NIBAN1: variants seen among roughly 807,000 people sequenced by gnomAD.
NIBAN1 encodes niban apoptosis regulator 1, also known as protein Niban 1.
Under a neutral mutation model 75.1 loss-of-function variants are expected in NIBAN1, and 81 were observed. The ratio of observed to expected loss-of-function variants is 1.08; its 90% CI spans 0.90 to 1.30. NIBAN1 has a LOEUF of 1.30. NIBAN1 is among the 50% of genes most tolerant of loss of function. The probability of loss-of-function intolerance (pLI) is 0.00; values close to 1 mark genes in which losing one functional copy is unlikely to be tolerated. For missense variants in NIBAN1, 1,133 were observed against 1,128.1 expected (o/e 1.00, Z -0.06); for synonymous variants, 436 against 424.8 (o/e 1.03, Z -0.32).
At chr1:184,932,734 A>T (rs1019211728) in intron 1 of NIBAN1, among the ~76,000 whole-genome samples, 2 of 152,210 alleles carry the variant, frequency 1.3e-5, no homozygotes, top group Non-Finnish European at 2.9e-5. Context: ...GATTTTTTAA[A>T]AGCTTAAAAG....
At chr1:184,807,530 G>A (rs1242428192) in intron 10 of NIBAN1, among the ~76,000 whole-genome samples, 1 of 152,180 alleles carries the variant, frequency 6.6e-6, no homozygotes, top group Non-Finnish European at 1.5e-5. Context: ...GCTTATGCCT[G>A]TAATCCCAGC....
chr1:184,960,657 T>TC (rs11379019), intron 1 of NIBAN1, among the ~76,000 whole-genome samples: 120,540 of 151,768 alleles, frequency 0.79, 48,146 homozygotes, highest in Middle Eastern at 0.83. Context: ...AGACGGAGTC[T>TC]ACTCTATCTT....
chr1:184,947,953 G>A (rs977441260), intron 1 of NIBAN1, among the ~76,000 whole-genome samples: 18 of 152,116 alleles, frequency 1.2e-4, no homozygotes, highest in African/African-American at 3.9e-4. Flanking sequence ...GAGCAAGCAC[G>A]TGATGTTTAT....
Position 184,884,760 on chromosome 1 carries a change from C to T in NIBAN1, c.474G>A (p.Leu158=). ...EKENTQPFVV[L]PKEFPVYLWQ... Reference sequence around the variant, plus strand: ...ACAGGTACACTGGGAATTCCTTGGGCAGGACCACAAAGGGCTGAGTGTTCT... The same window carrying T: ...ACAGGTACACTGGGAATTCCTTGGGTAGGACCACAAAGGGCTGAGTGTTCT... The change falls in exon 5 of 14, where the codon CTG becomes CTA. Residue 158 remains leucine (L), a synonymous_variant. Coordinates refer to ENST00000367511, the MANE Select transcript of NIBAN1 (RefSeq NM_052966.4). 1 of 1,614,204 alleles carries T rather than the reference C, an allele frequency of 6.2e-7. No homozygotes were observed. The highest frequency in any genetic ancestry group is 8.5e-7 in the Non-Finnish European group (1 of 1,180,002).
At chr1:184,912,974 A>G (rs1657283339) in intron 1 of NIBAN1, among the ~76,000 whole-genome samples, 1 of 152,076 alleles carries the variant, frequency 6.6e-6, no homozygotes, top group African/African-American at 2.4e-5. Flanking sequence ...ACAATCCAGC[A>G]ATCTGTGTTT....
intron 1 of NIBAN1, among the ~76,000 whole-genome samples, chr1:184,969,964 G>C (rs1290472467): frequency 6.6e-6 from 1 of 151,976 alleles, no homozygotes; most frequent in Non-Finnish European, 1.5e-5. Flanking sequence ...TCAGGAGTTT[G>C]AGATTAGCCT....
intron 1 of NIBAN1, among the ~76,000 whole-genome samples, chr1:184,914,653 G>A (rs1657335239): frequency 6.6e-6 from 1 of 151,984 alleles, no homozygotes; most frequent in East Asian, 1.9e-4. Context: ...CATGGTTACT[G>A]TAGTGAAGAA....
chr1:184,865,660 A>G lies in NIBAN1; in HGVS notation c.601+18973T>C, dbSNP rs945389347. Among the ~76,000 whole-genome samples, 3 of 152,236 alleles carry G rather than the reference A, an allele frequency of 2.0e-5. No homozygotes were observed. The South Asian group carries it at 6.2e-4, about 31-fold the overall frequency. ...GGATGCTTAATGGGTCACAGCCAAC[A>G]AAACAGTGACTTAAATAATGGCATC... is the stretch of plus-strand genomic sequence containing the variant. On this transcript the variant is annotated intron_variant, in intron 5 of 13. Coordinates refer to ENST00000367511, the MANE Select transcript of NIBAN1 (RefSeq NM_052966.4).
intron 1 of NIBAN1, among the ~76,000 whole-genome samples, chr1:184,934,568 AG>A (rs1657906461): frequency 6.6e-6 from 1 of 152,176 alleles, no homozygotes. Flanking sequence ...GTTCAAGACC[AG>A]CCTGGACAAC....
At chr1:184,838,099 C>T (rs1177839427) in intron 5 of NIBAN1, among the ~76,000 whole-genome samples, 2 of 152,188 alleles carry the variant, frequency 1.3e-5, no homozygotes, top group African/African-American at 4.8e-5. Flanking sequence ...AACCACGTCA[C>T]ACTGTTGACT....
chr1:184,934,793 G>T (rs1657912095), intron 1 of NIBAN1, among the ~76,000 whole-genome samples: 1 of 152,178 alleles, frequency 6.6e-6, no homozygotes, highest in Admixed American at 6.5e-5. Flanking sequence ...TACTTAGGAG[G>T]CTGAGGCAGG....
intron 1 of NIBAN1, among the ~76,000 whole-genome samples, chr1:184,957,093 T>G (rs535285439): frequency 7.9e-5 from 12 of 152,342 alleles, no homozygotes; most frequent in African/African-American, 2.9e-4. Context: ...ACTCCCACCA[T>G]CGCTGGTTTC....
intron 1 of NIBAN1, among the ~76,000 whole-genome samples, chr1:184,899,623 T>C (rs1169995549): frequency 6.6e-6 from 1 of 152,040 alleles, no homozygotes; most frequent in Admixed American, 6.6e-5. Context: ...TTATTTTCTA[T>C]CAATAGACTA....
intron 5 of NIBAN1, among the ~76,000 whole-genome samples, chr1:184,842,639 G>C (rs1387684028): frequency 6.6e-6 from 1 of 152,058 alleles, no homozygotes; most frequent in African/African-American, 2.4e-5. Flanking sequence ...TGTAATCCTA[G>C]CTACTCTAGA....
At chr1:184,837,377 TA>T (rs1655170139) in intron 5 of NIBAN1, among the ~76,000 whole-genome samples, 1 of 152,182 alleles carries the variant, frequency 6.6e-6, no homozygotes, top group African/African-American at 2.4e-5. Context: ...GGGAGTAACT[TA>T]GACATCACTA....
chr1:184,918,704 C>T (rs1657454551), intron 1 of NIBAN1, among the ~76,000 whole-genome samples: 1 of 152,180 alleles, frequency 6.6e-6, no homozygotes, highest in African/African-American at 2.4e-5. Flanking sequence ...TCTATATTTA[C>T]CCAGTCTTTT....
chr1:184,795,267 T>G lies in NIBAN1; in HGVS notation c.2497A>C (p.Thr833Pro). The G allele has an allele frequency of 5.0e-6, 8 of 1,613,182 alleles. No individual in the cohort carries two copies. The highest frequency in any genetic ancestry group is 6.8e-6 in the Non-Finnish European group (8 of 1,180,040). The change falls in exon 14 of 14, where the codon ACC (threonine) becomes CCC (proline). Residue 833 changes from threonine to proline, a missense_variant. Coordinates refer to ENST00000367511, the MANE Select transcript of NIBAN1 (RefSeq NM_052966.4). ...TAHEGRGGKCTEEGDASQQEG... is the reference protein window; with the variant it reads ...TAHEGRGGKCPEEGDASQQEG... The stretch of plus-strand genomic sequence containing the variant: ...TGCTGTGAGGCATCCCCTTCCTCGG[T>G]ACACTTGCCCCCTCTTCCTTCATGG...
At chr1:184,871,175 C>T (rs765650342) in intron 5 of NIBAN1, among the ~76,000 whole-genome samples, 15 of 151,600 alleles carry the variant, frequency 9.9e-5, no homozygotes, top group Non-Finnish European at 1.9e-4. Context: ...GGTGAAACCC[C>T]GTCTCTACTA....
At chr1:184,938,902 G>T (rs1008495828) in intron 1 of NIBAN1, among the ~76,000 whole-genome samples, 2 of 152,214 alleles carry the variant, frequency 1.3e-5, no homozygotes, top group African/African-American at 4.8e-5. Flanking sequence ...ATGGCCAGTG[G>T]ATAAACTGCA....
Sources: gnomAD v4.1 joint callset for allele counts (sites outside exome capture counted in the v4.1 genomes callset) on GRCh38, gnomAD v4.1.1 for gene constraint, MANE v1.5 for transcripts, NCBI Gene and HGNC (gene_info 2026-07-23, HGNC 2026-07-21) for gene names.